The following ARHGAP35 variants were observed in gnomAD, a reference collection of about 807,000 sequenced individuals.
The protein encoded by ARHGAP35 is rho GTPase-activating protein 35.
Under a neutral mutation model 111.1 loss-of-function variants are expected in ARHGAP35, and 15 were observed. That is an observed-to-expected ratio of 0.13 (90% CI 0.09 to 0.21). ARHGAP35 has a LOEUF of 0.21. Among genes scored for constraint, ARHGAP35 ranks in the 10% least tolerant of loss-of-function variants. The pLI is 1.00. For synonymous variants in ARHGAP35, 643 were observed against 710.3 expected (o/e 0.91, Z 1.51); for missense variants, 1,262 against 1,873.0 (o/e 0.67, Z 6.02).
Position 46,938,466 on chromosome 19 carries a change from G to A in ARHGAP35, c.3826+1058G>A, listed in dbSNP as rs545604931. On this transcript the variant is annotated intron_variant, in intron 3 of 6. Transcript: ENST00000672722. ...CCTCCCAGGTTCAAGCGATTCTCCT[G>A]CTTCAGCCTCTGAGTAGCTGGGATT... is the stretch of plus-strand genomic sequence containing the variant. Among the ~76,000 whole-genome samples the A allele has an allele frequency of 4.7e-4, 71 of 152,072 alleles. No individual in the cohort carries two copies. The East Asian group carries it at 0.013, about 27-fold the overall frequency.
At chr19:46,897,476 C>A (rs2122162092) in intron 1 of ARHGAP35, among the ~76,000 whole-genome samples, 1 of 149,402 alleles carries the variant, frequency 6.7e-6, no homozygotes, top group African/African-American at 2.5e-5. Flanking sequence ...ACCTCCAACA[C>A]TTTCTATTTA....
At chr19:46,941,621 T>G (rs1182137489) in intron 3 of ARHGAP35, among the ~76,000 whole-genome samples, 6 of 148,856 alleles carry the variant, frequency 4.0e-5, no homozygotes, top group Middle Eastern at 3.5e-3. Context: ...TGTTGCCCAG[T>G]CTGGAGTGCA....
chr19:46,962,832 T>C (rs2056492392), intron 3 of ARHGAP35, among the ~76,000 whole-genome samples: 1 of 152,170 alleles, frequency 6.6e-6, no homozygotes, highest in Admixed American at 6.5e-5. Flanking sequence ...CAGGCTGGTC[T>C]CGAACTCCTG....
At chr19:46,917,983 G>A (rs2056173485) in intron 1 of ARHGAP35, among the ~76,000 whole-genome samples, 1 of 152,130 alleles carries the variant, frequency 6.6e-6, no homozygotes, top group Admixed American at 6.5e-5. Context: ...CAAAGTTCTG[G>A]GATTACAGGC....
intron 1 of ARHGAP35, among the ~76,000 whole-genome samples, chr19:46,913,431 G>C (rs1405895328): frequency 6.6e-6 from 1 of 151,918 alleles, no homozygotes; most frequent in African/African-American, 2.4e-5. Flanking sequence ...ACCACTTCTT[G>C]CCCTGAGTGT....
At chr19:46,861,606 T>C (rs2055828112) in intron 1 of ARHGAP35, among the ~76,000 whole-genome samples, 1 of 151,618 alleles carries the variant, frequency 6.6e-6, no homozygotes, top group African/African-American at 2.4e-5. Context: ...TCTGCAGTGC[T>C]CCTGGGACCC....
chr19:46,936,668 A>G (rs2056309375), intron 2 of ARHGAP35, among the ~76,000 whole-genome samples: 2 of 152,048 alleles, frequency 1.3e-5, no homozygotes, highest in African/African-American at 4.8e-5. Flanking sequence ...TAATCATCGT[A>G]TTGTTATTTT....
At chr19:46,868,893 A>ATTTTTTTTT (rs59080309) in intron 1 of ARHGAP35, among the ~76,000 whole-genome samples, 7 of 58,702 alleles carry the variant, frequency 1.2e-4, no homozygotes, top group Non-Finnish European at 1.5e-4. Flanking sequence ...GCTCACCGTG[A>ATTTTTTTTT]TTTTTTTTTT....
intron 3 of ARHGAP35, among the ~76,000 whole-genome samples, chr19:46,954,163 G>A (rs771768733): frequency 3.3e-5 from 5 of 152,142 alleles, no homozygotes; most frequent in Non-Finnish European, 5.9e-5. Context: ...CTCGATCTTG[G>A]ACTTCCCAGC....
Position 46,938,641 on chromosome 19 carries a change from C to T in ARHGAP35, c.3826+1233C>T, listed in dbSNP as rs550639992. On this transcript the variant is annotated intron_variant, in intron 3 of 6. Transcript: ENST00000672722. ...GTGCTGGGATTACAGGCATGAGTTACGGTGCCCAGCCGAAGATAGCATTTT... is the reference window on the plus strand; with the variant it reads ...GTGCTGGGATTACAGGCATGAGTTATGGTGCCCAGCCGAAGATAGCATTTT... 1.3e-4 allele frequency among the ~76,000 whole-genome samples: 20 copies of T among 150,252 alleles called. No individual in the cohort carries two copies. The East Asian group carries it at 2.8e-3, about 21-fold the overall frequency.
intron 3 of ARHGAP35, among the ~76,000 whole-genome samples, chr19:46,941,732 G>C (rs1267101865): frequency 1.3e-5 from 2 of 150,966 alleles, no homozygotes; most frequent in Non-Finnish European, 3.0e-5. Flanking sequence ...GCTAATTTTT[G>C]TATTTTTTGT....
At chr19:46,861,583 G>C (rs945346406) in intron 1 of ARHGAP35, among the ~76,000 whole-genome samples, 30 of 148,288 alleles carry the variant, frequency 2.0e-4, no homozygotes, top group Non-Finnish European at 4.3e-4. Flanking sequence ...AATGCCCTTC[G>C]CTCCTCCCGG....
chr19:46,942,222 G>T (rs773115163), intron 3 of ARHGAP35, among the ~76,000 whole-genome samples: 2 of 152,208 alleles, frequency 1.3e-5, no homozygotes, highest in Non-Finnish European at 1.5e-5. Flanking sequence ...CACCGTTAAT[G>T]ATTTGAGATG....
At chr19:46,893,625 G>GC (rs919849929) in intron 1 of ARHGAP35, among the ~76,000 whole-genome samples, 4 of 151,556 alleles carry the variant, frequency 2.6e-5, no homozygotes, top group African/African-American at 9.7e-5. Context: ...CCTTGGTTTT[G>GC]CCCCCCTTGG....
intron 3 of ARHGAP35, among the ~76,000 whole-genome samples, chr19:46,951,991 G>T (rs571807481): frequency 1.5e-4 from 23 of 152,326 alleles, no homozygotes; most frequent in African/African-American, 5.5e-4. Flanking sequence ...GAAGGAATAA[G>T]TTCTAGTGTT....
At chr19:46,979,123 A>G (rs1385020392) in intron 3 of ARHGAP35, among the ~76,000 whole-genome samples, 1 of 150,910 alleles carries the variant, frequency 6.6e-6, no homozygotes, top group Admixed American at 6.6e-5. Flanking sequence ...TATGTGGTGG[A>G]TGTAGTACAC....
chr19:46,993,443 G>T lies in ARHGAP35; in HGVS notation c.4036+3768G>T, dbSNP rs768731260. On this transcript the variant is annotated intron_variant, in intron 5 of 6. Coordinates refer to ENST00000672722, the MANE Select transcript of ARHGAP35 (RefSeq NM_004491.5). The surrounding 1 kb of genome is among the most constrained non-coding windows in gnomAD (Gnocchi z 4.6). ...TGGCAAGTGGCGCAGCACAGCCAGG[G>T]CAGGAGTGTTCTTTGGGAACAGGGT... Among the ~76,000 whole-genome samples the T allele has an allele frequency of 6.6e-6, 1 of 152,242 alleles. No homozygotes were observed. The highest frequency in any genetic ancestry group is 2.4e-5 in the African/African-American group (1 of 41,472).
intron 2 of ARHGAP35, among the ~76,000 whole-genome samples, chr19:46,929,325 A>G (rs1374702141): frequency 6.6e-6 from 1 of 152,210 alleles, no homozygotes; most frequent in Non-Finnish European, 1.5e-5. Flanking sequence ...ATAGAAGAGA[A>G]TAATTGCCAA....
intron 1 of ARHGAP35, among the ~76,000 whole-genome samples, chr19:46,879,623 A>AATAAATAAATAAAAATAC (rs2055948228): frequency 5.2e-5 from 1 of 19,338 alleles, no homozygotes; most frequent in Non-Finnish European, 1.6e-4. Context: ...AATAAAAATA[A>AATAAATAAATAAAAATAC]AAATACAAAA....
Sources: gnomAD v4.1 joint callset for allele counts (sites outside exome capture counted in the v4.1 genomes callset) on GRCh38, gnomAD v4.1.1 for gene constraint, Gnocchi (gnomAD v3.1) non-coding constraint, MANE v1.5 for transcripts, NCBI Gene and HGNC (gene_info 2026-07-23, HGNC 2026-07-21) for gene names.